The following ANTXR2 variants were observed in gnomAD, a reference collection of about 807,000 sequenced individuals.
ANTXR2 encodes anthrax toxin receptor 2.
A neutral mutation model predicts 73.7 loss-of-function variants in ANTXR2; 44 were observed. The observed-to-expected ratio is 0.60, with a 90% CI of 0.47 to 0.77. The LOEUF (loss-of-function observed/expected upper bound fraction) is 0.77, where lower values mean the gene tolerates loss of function less well. Among genes scored for constraint, ANTXR2 ranks in the 30% least tolerant of loss-of-function variants. The pLI, the probability that ANTXR2 is intolerant of heterozygous loss-of-function variation, is 0.00. For synonymous variants in ANTXR2, 217 were observed against 205.9 expected (o/e 1.05, Z -0.46); for missense variants, 604 against 592.5 (o/e 1.02, Z -0.20).
chr4:79,934,120 A>G (rs1453912913), intron 16 of ANTXR2, among the ~76,000 whole-genome samples: 1 of 152,192 alleles, frequency 6.6e-6, no homozygotes, highest in East Asian at 1.9e-4. Context: ...GCATATAAAA[A>G]TGTGTATATA....
chr4:79,947,791 C>A (rs554459246), intron 16 of ANTXR2, among the ~76,000 whole-genome samples: 1 of 152,272 alleles, frequency 6.6e-6, no homozygotes, highest in South Asian at 2.1e-4. Flanking sequence ...CTGGAAAAGA[C>A]TTCTTCCCAA....
Position 79,984,882 on chromosome 4 carries a change from T to C in ANTXR2, c.1042-19A>G, listed in dbSNP as rs750097415. 15 of 1,574,494 alleles carry C rather than the reference T, an allele frequency of 9.5e-6. No individual in the cohort carries two copies. The highest frequency in any genetic ancestry group is 1.8e-5 in the Admixed American group (1 of 55,404). On this transcript the variant is annotated intron_variant, in intron 12 of 16. Transcript: ENST00000403729. ...TAATAACCTGTCAAAAAAAATCAAA[T>C]ATAAAAATTTCTATGGCATAGAGAG... is the stretch of plus-strand genomic sequence containing the variant.
At chr4:79,993,760 G>GCGTGCGCGCACACACACA (rs71662888) in intron 12 of ANTXR2, among the ~76,000 whole-genome samples, 2 of 140,658 alleles carry the variant, frequency 1.4e-5, no homozygotes, top group South Asian at 2.3e-4. Flanking sequence ...ACACACACAC[G>GCGTGCGCGCACACACACA]CACACACACA....
rs528592501 is a variant in ANTXR2, at chr4:79,945,521, C to G, written c.1428+32100G>C. 2.6e-5 allele frequency among the ~76,000 whole-genome samples: 4 copies of G among 152,124 alleles called. No homozygotes were observed. The South Asian group carries it at 8.3e-4, about 32-fold the overall frequency. ...TATCTAAATCTCACAAAAAATAAAG[C>G]AGGGAGTTTATATAACATAAAATAA... is the stretch of plus-strand genomic sequence containing the variant. On this transcript the variant is annotated intron_variant, in intron 16 of 16. Coordinates refer to ENST00000403729, the MANE Select transcript of ANTXR2 (RefSeq NM_058172.6).
chr4:80,031,907 G>A (rs1732715377), intron 9 of ANTXR2, among the ~76,000 whole-genome samples: 1 of 151,462 alleles, frequency 6.6e-6, no homozygotes, highest in Admixed American at 6.6e-5. Context: ...CATAAGTTAG[G>A]ATTATTTTGA....
intron 16 of ANTXR2, among the ~76,000 whole-genome samples, chr4:79,951,875 C>T (rs1728721056): frequency 6.6e-6 from 1 of 152,046 alleles, no homozygotes; most frequent in Admixed American, 6.6e-5. Flanking sequence ...TTAGGCAACA[C>T]TTTTGTGTAA....
chr4:79,906,789 C>G lies in ANTXR2; in HGVS notation c.*640G>C, dbSNP rs543914223. The G allele has an allele frequency of 5.9e-5, 9 of 152,776 alleles. No individual in the cohort carries two copies. Among genetic ancestry groups the G allele is most frequent in the Admixed American group, 5.9e-4 (9 of 15,278 alleles). The allele number at this position is 152,776 out of a possible 1,614,324, so 9.5% of individuals were successfully genotyped here. A position where few individuals can be genotyped will look rare whatever the true frequency, so the allele number is the denominator to read the frequency against. The stretch of plus-strand genomic sequence containing the variant: ...GCAAAATCTTGCTTGCTACCAATAC[C>G]TTGAGGCATCTTGTCTACATTTTGT... On this transcript the variant is annotated 3_prime_UTR_variant, in exon 17 of 17. Transcript: ENST00000403729.
Position 79,966,336 on chromosome 4 carries a change from T to C in ANTXR2, c.1428+11285A>G, listed in dbSNP as rs555242864. On this transcript the variant is annotated intron_variant, in intron 16 of 16. Coordinates refer to ENST00000403729, the MANE Select transcript of ANTXR2 (RefSeq NM_058172.6). ...ATAAACCACATCTACATAAACTAAA[T>C]TGGTAAAAACCATAAGGTTCAGTAA... 5.9e-5 allele frequency among the ~76,000 whole-genome samples: 9 copies of C among 152,288 alleles called. No homozygotes were observed. The East Asian group carries it at 1.5e-3, about 26-fold the overall frequency.
At chr4:80,048,997 T>C (rs1405284724) in intron 7 of ANTXR2, among the ~76,000 whole-genome samples, 1 of 151,730 alleles carries the variant, frequency 6.6e-6, no homozygotes, top group African/African-American at 2.4e-5. Flanking sequence ...ATTAAAAACT[T>C]AGAAACTCTG....
chr4:80,052,636 A>T (rs530887592), intron 7 of ANTXR2, among the ~76,000 whole-genome samples: 3 of 151,744 alleles, frequency 2.0e-5, no homozygotes, highest in Admixed American at 1.3e-4. Flanking sequence ...TATACCCATG[A>T]TCTCCCTCCA....
At chr4:79,927,764 CA>C (rs980258188) in intron 16 of ANTXR2, among the ~76,000 whole-genome samples, 1 of 151,942 alleles carries the variant, frequency 6.6e-6, no homozygotes, top group African/African-American at 2.4e-5. Flanking sequence ...TTTACAGATA[CA>C]AAAAAGTAGA....
chr4:79,958,017 C>T (rs987237755), intron 16 of ANTXR2, among the ~76,000 whole-genome samples: 7 of 151,954 alleles, frequency 4.6e-5, no homozygotes, highest in African/African-American at 1.7e-4. Flanking sequence ...TTCCTATTGC[C>T]TGCAAATTAT....
Position 79,907,480 on chromosome 4 carries a change from A to T in ANTXR2, c.1429-13T>A, listed in dbSNP as rs1057134555. The T allele has an allele frequency of 1.9e-6, 3 of 1,611,272 alleles. No individual in the cohort carries two copies. Among genetic ancestry groups the T allele is most frequent in the Non-Finnish European group, 2.5e-6 (3 of 1,177,824 alleles). ...TTATGCACCGGCCCTGAAGAAAGAA[A>T]TAAATCCATATTGAAATATTGAAGC... On this transcript the variant is annotated splice_polypyrimidine_tract_variant and intron_variant, in intron 16 of 16. Coordinates refer to ENST00000403729, the MANE Select transcript of ANTXR2 (RefSeq NM_058172.6).
At chr4:79,937,427 T>G (rs1407954679) in intron 16 of ANTXR2, among the ~76,000 whole-genome samples, 1 of 152,208 alleles carries the variant, frequency 6.6e-6, no homozygotes, top group Admixed American at 6.5e-5. Context: ...AAAGTTTCAC[T>G]GTAACATACT....
In ANTXR2 at chr4:79,996,504, T is replaced by C. The variant is rs191972146; in HGVS notation, c.1042-11641A>G. ...GCCCAATGTCACCCACATAAAAATTTGGGGACGAGAAACAAAATGGTTTTC... is the reference window on the plus strand; with the variant it reads ...GCCCAATGTCACCCACATAAAAATTCGGGGACGAGAAACAAAATGGTTTTC... On this transcript the variant is annotated intron_variant, in intron 12 of 16. Transcript: ENST00000403729. Among the ~76,000 whole-genome samples, 696 of 152,054 alleles carry C rather than the reference T, an allele frequency of 4.6e-3. 10 individuals carry two copies. Among genetic ancestry groups the C allele is most frequent in the African/African-American group, 0.016 (662 of 41,510 alleles).
chr4:80,054,869 A>G (rs894333680), intron 6 of ANTXR2, among the ~76,000 whole-genome samples: 5 of 151,484 alleles, frequency 3.3e-5, no homozygotes, highest in Non-Finnish European at 7.4e-5. Context: ...CATTTTGTCA[A>G]TTGAGTTAAG....
intron 16 of ANTXR2, among the ~76,000 whole-genome samples, chr4:79,928,223 T>C (rs966141773): frequency 6.6e-6 from 1 of 152,154 alleles, no homozygotes; most frequent in Non-Finnish European, 1.5e-5. Flanking sequence ...GAATGAACCA[T>C]AAGGCACTAT....
intron 10 of ANTXR2, among the ~76,000 whole-genome samples, chr4:80,020,489 A>T (rs1732106748): frequency 6.6e-6 from 1 of 152,252 alleles, no homozygotes; most frequent in Non-Finnish European, 1.5e-5. Context: ...TACTATTGCC[A>T]GATGCTATCC....
chr4:80,023,653 C>T (rs1327709685), intron 10 of ANTXR2, among the ~76,000 whole-genome samples: 1 of 152,076 alleles, frequency 6.6e-6, no homozygotes, highest in African/African-American at 2.4e-5. Flanking sequence ...AAGTCGACTA[C>T]AGGATGAAGC....
Sources: allele counts gnomAD v4.1 joint callset (sites outside exome capture counted in the v4.1 genomes callset), GRCh38; gene constraint gnomAD v4.1.1; transcripts MANE v1.5; gene names NCBI Gene and HGNC (gene_info 2026-07-23, HGNC 2026-07-21).